Variants in ABCA13 observed in about 807,000 individuals in gnomAD.
ABCA13 encodes the protein ATP binding cassette subfamily A member 13.
ABCA13 carries 476 observed loss-of-function variants against 478.7 expected under a neutral mutation model. The ratio of observed to expected loss-of-function variants is 0.99; its 90% CI spans 0.92 to 1.07. ABCA13 has a LOEUF of 1.07. ABCA13 is among the 50% of genes least tolerant of loss of function. The pLI is 0.00. For missense variants in ABCA13, 6,060 were observed against 5,910.6 expected (o/e 1.03, Z -0.83); for synonymous variants, 2,252 against 2,158.9 (o/e 1.04, Z -1.20).
At chr7:48,388,811 A>G (rs1050856628) in intron 36 of ABCA13, among the ~76,000 whole-genome samples, 1 of 152,000 alleles carries the variant, frequency 6.6e-6, no homozygotes, top group East Asian at 1.9e-4. Flanking sequence ...TTTATTTTTT[A>G]CAAAATGGTT....
chr7:48,272,963 C>A lies in ABCA13; in HGVS notation c.3297C>A (p.Cys1099Ter). The A allele has an allele frequency of 6.2e-7, 1 of 1,613,370 alleles. No individual in the cohort carries two copies. The highest frequency in any genetic ancestry group is 8.5e-7 in the Non-Finnish European group (1 of 1,179,588). Residue 1099 changes from cysteine (C) to a stop codon, truncating the protein, a stop_gained, in exon 17 of 62, where the codon TGC (cysteine) becomes TGA (stop). Transcript: ENST00000435803. LOFTEE classifies it high-confidence loss of function. ...SSVEDLLDNK[C>*]LISDNKHISS... Reference sequence around the variant, plus strand: ...TAGAAGACCTATTGGATAATAAATGCTTGATTTCGGACAATAAACACATTT... The same window carrying A: ...TAGAAGACCTATTGGATAATAAATGATTGATTTCGGACAATAAACACATTT...
chr7:48,595,528 T>A (rs1411687854), intron 58 of ABCA13, among the ~76,000 whole-genome samples: 1 of 152,170 alleles, frequency 6.6e-6, no homozygotes, highest in Non-Finnish European at 1.5e-5. Flanking sequence ...GCTAACAAAT[T>A]TAGCTTGATA....
chr7:48,595,478 T>C (rs1790185052), intron 58 of ABCA13, among the ~76,000 whole-genome samples: 1 of 152,208 alleles, frequency 6.6e-6, no homozygotes, highest in South Asian at 2.1e-4. Context: ...GAATAAGATG[T>C]CAAGAGCTGC....
chr7:48,418,758 G>T (rs1010390548), intron 41 of ABCA13, among the ~76,000 whole-genome samples: 1 of 152,126 alleles, frequency 6.6e-6, no homozygotes, highest in Non-Finnish European at 1.5e-5. Flanking sequence ...ATGCAGTGGT[G>T]TATTTTCAGA....
chr7:48,499,658 T>C (rs1023530745), intron 48 of ABCA13, among the ~76,000 whole-genome samples: 3 of 152,180 alleles, frequency 2.0e-5, no homozygotes, highest in South Asian at 2.1e-4. Context: ...ATATAAATGA[T>C]AATAACAATC....
At chr7:48,321,179 G>A (rs1050957112) in intron 27 of ABCA13, among the ~76,000 whole-genome samples, 1 of 152,160 alleles carries the variant, frequency 6.6e-6, no homozygotes, top group African/African-American at 2.4e-5. Context: ...AGTAGGAGGC[G>A]CTGCTGGCAT....
At chr7:48,461,649 G>A (rs1826254171) in intron 43 of ABCA13, among the ~76,000 whole-genome samples, 1 of 152,090 alleles carries the variant, frequency 6.6e-6, no homozygotes, top group African/African-American at 2.4e-5. Context: ...CTCACCCTGG[G>A]TGAACTGTTC....
chr7:48,490,633 C>T (rs554734453), intron 48 of ABCA13, among the ~76,000 whole-genome samples: 153 of 152,278 alleles, frequency 1.0e-3, no homozygotes, highest in African/African-American at 3.5e-3. Context: ...CTTAGCAATG[C>T]AATAACAATT....
chr7:48,206,310 A>G (rs1354004963), intron 3 of ABCA13, among the ~76,000 whole-genome samples: 1 of 152,198 alleles, frequency 6.6e-6, no homozygotes, highest in African/African-American at 2.4e-5. Context: ...TAGACATGCA[A>G]ATGCTTACCA....
intron 55 of ABCA13, among the ~76,000 whole-genome samples, chr7:48,541,010 A>G (rs1918595): frequency 0.14 from 21,068 of 152,080 alleles, 1,824 homozygotes; most frequent in African/African-American, 0.23. Context: ...GGAATTTAAG[A>G]CTAAGATTTG....
intron 23 of ABCA13, among the ~76,000 whole-genome samples, chr7:48,302,950 C>T (rs1014745157): frequency 4.6e-5 from 7 of 152,178 alleles, no homozygotes; most frequent in African/African-American, 1.7e-4. Context: ...TACATTCTCA[C>T]CAGGAGTGTA....
At chr7:48,557,913 C>G (rs1786010544) in intron 55 of ABCA13, among the ~76,000 whole-genome samples, 1 of 152,144 alleles carries the variant, frequency 6.6e-6, no homozygotes. Flanking sequence ...TCTTCCTCCA[C>G]TTTAAGGTCA....
In ABCA13 at chr7:48,564,025, ATCTCC is replaced by A. The variant is rs1786762101; in HGVS notation, c.14355-16194_14355-16190del. On this transcript the variant is annotated intron_variant, in intron 55 of 61. Coordinates refer to ENST00000435803, the MANE Select transcript of ABCA13 (RefSeq NM_152701.5). ...TAGTATATTCCTAACTCCACATGTC[ATCTCC>A]TCTCTTTCTTTTTAAATAGATCTCC... Among the ~76,000 whole-genome samples the A allele has an allele frequency of 4.6e-5, 7 of 152,092 alleles. No individual in the cohort carries two copies. The South Asian group carries it at 1.5e-3, about 32-fold the overall frequency.
At chr7:48,238,066 A>G (rs1249012776) in intron 8 of ABCA13, among the ~76,000 whole-genome samples, 1 of 152,250 alleles carries the variant, frequency 6.6e-6, no homozygotes, top group Admixed American at 6.5e-5. Flanking sequence ...AAGCTTTCTG[A>G]CTATTGTCAT....
At chr7:48,213,857 C>A (rs1786047214) in intron 3 of ABCA13, among the ~76,000 whole-genome samples, 1 of 152,158 alleles carries the variant, frequency 6.6e-6, no homozygotes. Flanking sequence ...AGCAACTCCT[C>A]ATTCATTAGT....
rs1048473919 is a variant in ABCA13 at position 48,539,120 on chromosome 7, C to T, written c.14354+10775C>T. On this transcript the variant is annotated intron_variant, in intron 55 of 61. Coordinates refer to ENST00000435803, the MANE Select transcript of ABCA13 (RefSeq NM_152701.5). ...TCTGGGCCAGGTGAGGTGGCTCATG[C>T]CTGTAATCCTAGCACTTTGGGAGGC... Among the ~76,000 whole-genome samples the T allele has an allele frequency of 2.1e-3, 323 of 152,140 alleles. 1 individual carries two copies. Among genetic ancestry groups the T allele is most frequent in the Non-Finnish European group, 4.4e-4 (30 of 68,022 alleles).
In ABCA13 at chr7:48,276,245, A is replaced by G. The variant is rs1376347703; in HGVS notation, c.6579A>G (p.Glu2193=). ...TTCTTACCCATCTGCTAAATCAAGA[A>G]CAGCTGACTAATTTCTCAGTTGTTC... ...VAFLTHLLNQ[E]QLTNFSVVQL... The change falls in exon 17 of 62, where the codon GAA becomes GAG. Residue 2193 remains glutamate (E), a synonymous_variant. Transcript: ENST00000435803. 3.2e-6 allele frequency: 5 copies of G among 1,573,448 alleles called. No individual in the cohort carries two copies. The highest frequency in any genetic ancestry group is 1.9e-5 in the Admixed American group (1 of 53,970).
intron 55 of ABCA13, among the ~76,000 whole-genome samples, chr7:48,535,396 T>G (rs1833500938): frequency 6.6e-6 from 1 of 152,240 alleles, no homozygotes. Flanking sequence ...TACCAGCACC[T>G]GCTCAGGTGG....
At chr7:48,284,616 T>G (rs1255821404) in intron 19 of ABCA13, among the ~76,000 whole-genome samples, 1 of 152,242 alleles carries the variant, frequency 6.6e-6, no homozygotes, top group Non-Finnish European at 1.5e-5. Flanking sequence ...TTAAATGAAT[T>G]AAACATTCAT....
Sources: allele counts gnomAD v4.1 joint callset (sites outside exome capture counted in the v4.1 genomes callset), GRCh38; gene constraint gnomAD v4.1.1; transcripts MANE v1.5; gene names NCBI Gene and HGNC (gene_info 2026-07-23, HGNC 2026-07-21).